Variants in ARHGEF28 observed in about 807,000 individuals in gnomAD.
The protein encoded by ARHGEF28 is 190 kDa guanine nucleotide exchange factor.
Under a neutral mutation model 206.6 loss-of-function variants are expected in ARHGEF28, and 152 were observed. The observed-to-expected ratio is 0.74, with a 90% CI of 0.64 to 0.84. The LOEUF (loss-of-function observed/expected upper bound fraction) is 0.84, where lower values mean the gene tolerates loss of function less well. ARHGEF28 is among the 40% of genes least tolerant of loss of function. ARHGEF28 has a pLI of 0.00. For synonymous variants in ARHGEF28, 763 were observed against 776.4 expected (o/e 0.98, Z 0.29); for missense variants, 2,028 against 2,073.2 (o/e 0.98, Z 0.42).
intron 1 of ARHGEF28, among the ~76,000 whole-genome samples, chr5:73,662,027 A>C (rs1745631661): frequency 6.6e-6 from 1 of 152,236 alleles, no homozygotes; most frequent in Non-Finnish European, 1.5e-5. Flanking sequence ...AGCAAAATGC[A>C]GTAACTTGAA....
chr5:73,746,827 T>C (rs1751746041), intron 2 of ARHGEF28, among the ~76,000 whole-genome samples: 1 of 152,150 alleles, frequency 6.6e-6, no homozygotes, highest in African/African-American at 2.4e-5. Flanking sequence ...CTACCATTAC[T>C]CTGTTTAAAT....
At chr5:73,832,729 C>T (rs1019712278) in intron 10 of ARHGEF28, among the ~76,000 whole-genome samples, 3 of 152,004 alleles carry the variant, frequency 2.0e-5, no homozygotes, top group Non-Finnish European at 4.4e-5. Context: ...AGCTCTTCTT[C>T]GGGGCCCAAG....
chr5:73,909,679 C>T lies in ARHGEF28; in HGVS notation c.4429C>T (p.Arg1477Trp), dbSNP rs1170624749. ...TRESWLQERE[R>W]ECQSQEELLL... ...GGAGAGCTGGCTGCAGGAGCGGGAG[C>T]GGGAGTGCCAGTCGCAGGAGGAGCT... The change falls in exon 34 of 36, where the codon CGG (arginine) becomes TGG (tryptophan). Residue 1477 changes from arginine (R) to tryptophan (W), a missense_variant. By Grantham distance (101) the Arg-to-Trp change is moderately radical (BLOSUM62 -3). Coordinates refer to ENST00000513042, the MANE Select transcript of ARHGEF28 (RefSeq NM_001177693.2). 1.3e-6 allele frequency: 2 copies of T among 1,538,872 alleles called. No homozygotes were observed. The highest frequency in any genetic ancestry group is 2.5e-5 in the East Asian group (1 of 40,688).
intron 2 of ARHGEF28, among the ~76,000 whole-genome samples, chr5:73,686,042 A>G (rs1747444830): frequency 6.6e-6 from 1 of 152,138 alleles, no homozygotes. Flanking sequence ...CACATGACAC[A>G]TACTTCTCTG....
intron 20 of ARHGEF28, among the ~76,000 whole-genome samples, chr5:73,869,444 T>C (rs1759940356): frequency 6.6e-6 from 1 of 152,196 alleles, no homozygotes; most frequent in Non-Finnish European, 1.5e-5. Context: ...AGACACATTA[T>C]GGACTCTGTA....
At chr5:73,820,810 G>A (rs1756537538) in intron 9 of ARHGEF28, among the ~76,000 whole-genome samples, 2 of 152,094 alleles carry the variant, frequency 1.3e-5, no homozygotes, top group Admixed American at 1.3e-4. Context: ...TTCTCACCAT[G>A]CAGGCACCTG....
At chr5:73,671,738 A>ATATATATATATATT (rs1746355602) in intron 1 of ARHGEF28, among the ~76,000 whole-genome samples, 1 of 9,916 alleles carries the variant, frequency 1.0e-4, no homozygotes, top group African/African-American at 5.6e-4. Context: ...ATATATATAT[A>ATATATATATATATT]TTTTTTTTTT....
intron 9 of ARHGEF28, among the ~76,000 whole-genome samples, chr5:73,821,450 A>G (rs2112538864): frequency 6.6e-6 from 1 of 152,334 alleles, no homozygotes; most frequent in Non-Finnish European, 1.5e-5. Flanking sequence ...ACTGGAGAAT[A>G]GAGCTCCTCA....
intron 3 of ARHGEF28, 57 bp from the exon 4 acceptor site, chr5:73,752,852 C>T (rs1007029867): frequency 6.3e-7 from 1 of 1,586,324 alleles, no homozygotes; most frequent in Admixed American, 1.7e-5. Flanking sequence ...ACATTGGACC[C>T]CTGTGAGAGC....
At chr5:73,841,432 G>T (rs929876908) in intron 11 of ARHGEF28, among the ~76,000 whole-genome samples, 2 of 152,116 alleles carry the variant, frequency 1.3e-5, no homozygotes, top group African/African-American at 4.8e-5. Flanking sequence ...GAGGCCTGGC[G>T]TGGTGGCTCA....
rs1742590048 is a variant in ARHGEF28 at position 73,941,110 on chromosome 5, A to C, written c.*97A>C. ...ATGTATGTGTGATTGTCTGTGTCCA[A>C]ATTGCTTTAAGAATAATATTTAATA... On this transcript the variant is annotated 3_prime_UTR_variant, in exon 36 of 36. Transcript: ENST00000513042. The C allele has an allele frequency of 1.7e-6, 2 of 1,187,806 alleles. No homozygotes were observed. Among genetic ancestry groups the C allele is most frequent in the East Asian group, 3.1e-5 (1 of 32,458 alleles). 73.6% of individuals were successfully genotyped at this position (1,187,806 alleles called of 1,614,324 possible). A position where few individuals can be genotyped will look rare whatever the true frequency, so the allele number is the denominator to read the frequency against.
intron 35 of ARHGEF28, among the ~76,000 whole-genome samples, chr5:73,916,498 C>T (rs1227190351): frequency 1.3e-5 from 2 of 152,192 alleles, no homozygotes; most frequent in South Asian, 2.1e-4. Context: ...CTTCCGAGGC[C>T]TCTCTCCTTG....
At position 73,909,552 on chromosome 5, in the gene ARHGEF28, T is replaced by G. The variant is rs778577825; in HGVS notation, c.4302T>G (p.His1434Gln). The G allele has an allele frequency of 1.3e-6, 2 of 1,579,286 alleles. No individual in the cohort carries two copies. The highest frequency in any genetic ancestry group is 1.7e-6 in the Non-Finnish European group (2 of 1,162,684). Residue 1434 changes from histidine (H) to glutamine (Q), a missense_variant, in exon 34 of 36, where the codon CAT (histidine) becomes CAG (glutamine). Around this residue, in one of 3 missense-constraint regions of ARHGEF28, gnomAD observed 803 missense variants for 768.0 expected, o/e 1.05. Coordinates refer to ENST00000513042, the MANE Select transcript of ARHGEF28 (RefSeq NM_001177693.2). ...AGTCTCGCGACGCGGACAGGCAGCATGAGGAGCTGGCCAATGTGCACCAGC... is the reference window on the plus strand; with the variant it reads ...AGTCTCGCGACGCGGACAGGCAGCAGGAGGAGCTGGCCAATGTGCACCAGC... The part of the protein sequence containing the change: ...DQKSRDADRQ[H>Q]EELANVHQLQ...
At chr5:73,773,600 A>G (rs1437335651) in intron 4 of ARHGEF28, among the ~76,000 whole-genome samples, 1 of 152,192 alleles carries the variant, frequency 6.6e-6, no homozygotes, top group Non-Finnish European at 1.5e-5. Flanking sequence ...GTGAATGTGT[A>G]GTGCAATGGG....
intron 35 of ARHGEF28, among the ~76,000 whole-genome samples, chr5:73,924,277 G>A (rs1320550247): frequency 6.6e-6 from 1 of 152,206 alleles, no homozygotes; most frequent in African/African-American, 2.4e-5. Flanking sequence ...CTGGCATAGT[G>A]ATTAAGATGG....
intron 2 of ARHGEF28, among the ~76,000 whole-genome samples, chr5:73,699,010 T>C (rs544096689): frequency 2.6e-5 from 4 of 152,258 alleles, no homozygotes. Context: ...CCACATTATA[T>C]GATGGTCCTT....
intron 2 of ARHGEF28, among the ~76,000 whole-genome samples, chr5:73,714,923 G>C (rs1580518414): frequency 1.3e-5 from 2 of 151,980 alleles, no homozygotes; most frequent in East Asian, 3.9e-4. Context: ...TGAGTGTTGA[G>C]AAAGTAAAAC....
chr5:73,671,353 T>G (rs1746289698), intron 1 of ARHGEF28, among the ~76,000 whole-genome samples: 1 of 152,144 alleles, frequency 6.6e-6, no homozygotes, highest in Non-Finnish European at 1.5e-5. Context: ...ATTGCCAGAT[T>G]GCTACCTTAA....
At chr5:73,823,405 T>G (rs1249063332) in intron 9 of ARHGEF28, among the ~76,000 whole-genome samples, 2 of 152,228 alleles carry the variant, frequency 1.3e-5, no homozygotes, top group African/African-American at 2.4e-5. Context: ...TTATTTTAGG[T>G]CTAAGGATGG....
Sources: allele counts gnomAD v4.1 joint callset (sites outside exome capture counted in the v4.1 genomes callset), GRCh38; gene constraint gnomAD v4.1.1; regional missense constraint gnomAD v4.1.1; transcripts MANE v1.5; gene names NCBI Gene and HGNC (gene_info 2026-07-23, HGNC 2026-07-21).